GRK5: variants seen among roughly 807,000 people sequenced by gnomAD.
GRK5 encodes G protein-coupled receptor kinase 5, also known as g protein-coupled receptor kinase GRK5.
Under a neutral mutation model 78.4 loss-of-function variants are expected in GRK5, and 40 were observed. The observed-to-expected ratio is 0.51, with a 90% CI of 0.40 to 0.66. The LOEUF (loss-of-function observed/expected upper bound fraction) is 0.66. Ranked by LOEUF, GRK5 falls within the 30% of genes least tolerant of loss-of-function variation. GRK5 has a pLI of 0.00. For synonymous variants in GRK5, 289 were observed against 296.8 expected (o/e 0.97, Z 0.27); for missense variants, 598 against 759.9 (o/e 0.79, Z 2.50).
rs542180813 is a variant in GRK5, at chr10:119,430,186, T to G, written c.534-189T>G. 1.7e-4 allele frequency among the ~76,000 whole-genome samples: 26 copies of G among 152,270 alleles called. No individual in the cohort carries two copies. The highest frequency in any genetic ancestry group is 5.9e-4 in the Admixed American group (9 of 15,304). On this transcript the variant is annotated intron_variant, in intron 6 of 15. Coordinates refer to ENST00000392870, the MANE Select transcript of GRK5 (RefSeq NM_005308.3). The surrounding 1 kb of genome is among the most constrained non-coding windows in gnomAD (Gnocchi z 4.5). ...GGCTGGGGGCCAGGGGGCTTGGGAT[T>G]TGAACACTCAGCTTCAGACTAAGTC...
intron 3 of GRK5, among the ~76,000 whole-genome samples, chr10:119,384,443 C>A (rs1233688870): frequency 6.6e-6 from 1 of 152,176 alleles, no homozygotes; most frequent in Non-Finnish European, 1.5e-5. Flanking sequence ...AGGTGTTTAA[C>A]CCCTCGTGTA....
At chr10:119,306,009 G>T (rs987548275) in intron 1 of GRK5, among the ~76,000 whole-genome samples, 1 of 152,170 alleles carries the variant, frequency 6.6e-6, no homozygotes, top group African/African-American at 2.4e-5. Context: ...CCATGGAAAG[G>T]CTCCGTGTTG....
intron 1 of GRK5, among the ~76,000 whole-genome samples, chr10:119,287,995 C>G (rs1194777998): frequency 1.3e-5 from 2 of 152,246 alleles, no homozygotes; most frequent in African/African-American, 4.8e-5. Flanking sequence ...TTTTAGTTCC[C>G]CCTCTCTGGA....
At chr10:119,380,962 C>A in intron 3 of GRK5, 35 bp downstream of exon 3, 2 of 1,262,028 alleles carry the variant, frequency 1.6e-6, no homozygotes, top group Non-Finnish European at 2.3e-6. Context: ...GTCCTGTGGT[C>A]CTCTGTGATC....
intron 1 of GRK5, among the ~76,000 whole-genome samples, chr10:119,249,598 A>G (rs1454156002): frequency 6.6e-6 from 1 of 152,086 alleles, no homozygotes; most frequent in Non-Finnish European, 1.5e-5. Flanking sequence ...CCCAGGTTCA[A>G]GCAATTCTCT....
At chr10:119,212,197 T>C (rs1589681147) in intron 1 of GRK5, among the ~76,000 whole-genome samples, 1 of 152,058 alleles carries the variant, frequency 6.6e-6, no homozygotes, top group African/African-American at 2.4e-5. Flanking sequence ...ACTGACAACT[T>C]GGAGGTAGAG....
chr10:119,360,588 G>C (rs1396757095), intron 2 of GRK5, among the ~76,000 whole-genome samples: 2 of 152,072 alleles, frequency 1.3e-5, no homozygotes, highest in Non-Finnish European at 2.9e-5. Context: ...AAGTCTGTAT[G>C]AGTGGGAGGA....
chr10:119,395,444 T>C (rs1852031796), intron 3 of GRK5, among the ~76,000 whole-genome samples: 2 of 152,162 alleles, frequency 1.3e-5, no homozygotes, highest in African/African-American at 2.4e-5. Flanking sequence ...TCTGACTGCA[T>C]GGTGGGACGC....
intron 1 of GRK5, among the ~76,000 whole-genome samples, chr10:119,317,350 GTGT>G (rs1850506205): frequency 2.0e-3 from 3 of 1,524 alleles, no homozygotes; most frequent in African/African-American, 4.4e-3. Flanking sequence ...GTAGATGGGT[GTGT>G]GTGTGTGTGT....
At chr10:119,243,674 CCAAGG>C (rs1564861054) in intron 1 of GRK5, among the ~76,000 whole-genome samples, 1 of 151,804 alleles carries the variant, frequency 6.6e-6, no homozygotes, top group Non-Finnish European at 1.5e-5. Context: ...CTTAACAACC[CCAAGG>C]CAAATAGAGC....
At position 119,445,006 on chromosome 10, in the gene GRK5, T is replaced by C. The variant is rs564966732; in HGVS notation, c.1266+1254T>C. Among the ~76,000 whole-genome samples the C allele has an allele frequency of 1.7e-3, 255 of 152,306 alleles. No individual in the cohort carries two copies. Among genetic ancestry groups the C allele is most frequent in the African/African-American group, 5.9e-3 (244 of 41,568 alleles). Reference sequence around the variant, plus strand: ...TCTCCTGCAGCCAGACACCTCTGCTTGGCCCCTTCCTGTCACCAACCTCAT... The same window carrying C: ...TCTCCTGCAGCCAGACACCTCTGCTCGGCCCCTTCCTGTCACCAACCTCAT... On this transcript the variant is annotated intron_variant, in intron 12 of 15. Coordinates refer to ENST00000392870, the MANE Select transcript of GRK5 (RefSeq NM_005308.3). The surrounding 1 kb of genome is among the most constrained non-coding windows in gnomAD (Gnocchi z 4.1).
intron 2 of GRK5, among the ~76,000 whole-genome samples, chr10:119,369,175 C>A (rs553055358): frequency 1.3e-5 from 2 of 152,134 alleles, no homozygotes; most frequent in African/African-American, 4.8e-5. Flanking sequence ...TTGATGCAGT[C>A]GGTCTGGGTG....
chr10:119,430,494 T>C lies in GRK5; in HGVS notation c.597+56T>C. On this transcript the variant is annotated intron_variant, in intron 7 of 15. Coordinates refer to ENST00000392870, the MANE Select transcript of GRK5 (RefSeq NM_005308.3). This position sits in a 1 kb window ranked among gnomAD's most constrained non-coding sequence, Gnocchi z 4.5. ...GTTCTTACATTCAAGTCACCTTTCC[T>C]GTCCCTTCTAAATCAACCTAAAGGG... 1 of 1,524,960 alleles carries C rather than the reference T, an allele frequency of 6.6e-7. No homozygotes were observed. Among genetic ancestry groups the C allele is most frequent in the Non-Finnish European group, 9.1e-7 (1 of 1,103,764 alleles). 94.5% of individuals were successfully genotyped at this position (1,524,960 alleles called of 1,614,324 possible).
chr10:119,292,611 T>C (rs575416741), intron 1 of GRK5, among the ~76,000 whole-genome samples: 15 of 152,348 alleles, frequency 9.8e-5, no homozygotes, highest in African/African-American at 3.6e-4. Context: ...CAATCATAGT[T>C]TTTCCTAGGT....
intron 4 of GRK5, among the ~76,000 whole-genome samples, chr10:119,419,696 C>G (rs909231734): frequency 2.0e-5 from 3 of 152,248 alleles, no homozygotes; most frequent in African/African-American, 7.2e-5. Flanking sequence ...CCTCTAGACC[C>G]TGGACAATCC....
chr10:119,266,571 G>A (rs1564870196), intron 1 of GRK5, among the ~76,000 whole-genome samples: 1 of 152,152 alleles, frequency 6.6e-6, no homozygotes, highest in Non-Finnish European at 1.5e-5. Context: ...TGTTTTCAAG[G>A]GTGAGGAAGT....
Position 119,267,426 on chromosome 10 carries a change from C to G in GRK5, c.53-59090C>G, listed in dbSNP as rs1849517455. On this transcript the variant is annotated intron_variant, in intron 1 of 15. Coordinates refer to ENST00000392870, the MANE Select transcript of GRK5 (RefSeq NM_005308.3). This position sits in a 1 kb window ranked among gnomAD's most constrained non-coding sequence, Gnocchi z 4.1. ...TGCTTTAGATGACCCCTGCTGCTGT[C>G]AGATTGCCCGTCTGGGAGCTGGGGT... Among the ~76,000 whole-genome samples the G allele has an allele frequency of 6.6e-6, 1 of 152,160 alleles. No homozygotes were observed. The highest frequency in any genetic ancestry group is 2.4e-5 in the African/African-American group (1 of 41,424).
chr10:119,358,742 C>A (rs963293883), intron 2 of GRK5, among the ~76,000 whole-genome samples: 2 of 152,192 alleles, frequency 1.3e-5, no homozygotes, highest in African/African-American at 4.8e-5. Flanking sequence ...TCTGCTCAGG[C>A]TGCTATGACA....
chr10:119,262,552 C>T (rs527832179), intron 1 of GRK5, among the ~76,000 whole-genome samples: 60 of 152,176 alleles, frequency 3.9e-4, no homozygotes, highest in African/African-American at 1.3e-3. Flanking sequence ...CCATGTTGGC[C>T]AGGCTGATCT....
Sources: gnomAD v4.1 joint callset for allele counts (sites outside exome capture counted in the v4.1 genomes callset) on GRCh38, gnomAD v4.1.1 for gene constraint, Gnocchi (gnomAD v3.1) non-coding constraint, MANE v1.5 for transcripts, NCBI Gene and HGNC (gene_info 2026-07-23, HGNC 2026-07-21) for gene names.